AFAP1: variants seen among roughly 807,000 people sequenced by gnomAD.
The protein encoded by AFAP1 is actin filament-associated protein 1.
AFAP1 carries 75 observed loss-of-function variants against 93.9 expected under a neutral mutation model. The observed-to-expected ratio is 0.80, with a 90% confidence interval of 0.66 to 0.97. The LOEUF (loss-of-function observed/expected upper bound fraction) is 0.97. Ranked by LOEUF, AFAP1 falls within the 50% of genes least tolerant of loss-of-function variation. The pLI is 0.00. For missense variants in AFAP1, 1,201 were observed against 1,050.8 expected (o/e 1.14, Z -1.98); for synonymous variants, 517 against 430.7 (o/e 1.20, Z -2.48).
intron 6 of AFAP1, among the ~76,000 whole-genome samples, chr4:7,837,189 CTA>C (rs1291084160): frequency 6.6e-6 from 1 of 152,184 alleles, no homozygotes; most frequent in Non-Finnish European, 1.5e-5. Context: ...AAAATGAACT[CTA>C]AAACAAAAAC....
At chr4:7,872,274 C>T in intron 1 of AFAP1, 194 bp from the exon 2 acceptor site, 1 of 593,100 alleles carries the variant, frequency 1.7e-6, no homozygotes, top group Non-Finnish European at 2.7e-6. Flanking sequence ...ATGCACTACT[C>T]CTTTGCTTCT....
intron 8 of AFAP1, among the ~76,000 whole-genome samples, chr4:7,811,585 G>A (rs11932120): frequency 0.17 from 25,555 of 151,944 alleles, 2,743 homozygotes; most frequent in African/African-American, 0.3. Context: ...CTCCTGCCTC[G>A]GGCCTTGCCC....
chr4:7,933,857 T>G (rs1053460363), intron 1 of AFAP1, among the ~76,000 whole-genome samples: 1 of 152,232 alleles, frequency 6.6e-6, no homozygotes, highest in South Asian at 2.1e-4. Context: ...TGGTGATTTT[T>G]GCCCAGTGAC....
intron 2 of AFAP1, among the ~76,000 whole-genome samples, chr4:7,871,707 G>A (rs1717064230): frequency 6.6e-6 from 1 of 152,156 alleles, no homozygotes; most frequent in Admixed American, 6.5e-5. Flanking sequence ...ATCTCCAAAC[G>A]CTGGGGTTGC....
intron 11 of AFAP1, among the ~76,000 whole-genome samples, chr4:7,789,816 A>G (rs762684843): frequency 1.3e-5 from 2 of 151,970 alleles, no homozygotes; most frequent in Non-Finnish European, 2.9e-5. Flanking sequence ...TCATCCTCCC[A>G]ACTGCTTCCT....
chr4:7,808,563 G>A (rs1439252428), intron 9 of AFAP1, among the ~76,000 whole-genome samples: 1 of 152,036 alleles, frequency 6.6e-6, no homozygotes, highest in Non-Finnish European at 1.5e-5. Context: ...GACTGACCGG[G>A]GAGATGGTCT....
chr4:7,872,168 T>C (rs1577323412), intron 1 of AFAP1, 88 bp from the exon 2 acceptor site: 7 of 1,513,478 alleles, frequency 4.6e-6, no homozygotes, highest in Admixed American at 1.9e-5. Flanking sequence ...AAGCATTTCA[T>C]GTTTAGCTTG....
intron 17 of AFAP1, among the ~76,000 whole-genome samples, chr4:7,768,219 C>T (rs1714898914): frequency 6.6e-6 from 1 of 152,284 alleles, no homozygotes; most frequent in Non-Finnish European, 1.5e-5. Context: ...CACTTCCACA[C>T]ACAGCACTTT....
rs141585055 is a variant in AFAP1, at chr4:7,902,023, T to C, written c.-2-29943A>G. ...TATATAATTTTTTAAACACCCATAT[T>C]TGAAACACAATAGAGAAGACAACTT... On this transcript the variant is annotated intron_variant, in intron 1 of 17. Transcript: ENST00000420658. Among the ~76,000 whole-genome samples the C allele has an allele frequency of 6.8e-3, 1,041 of 152,320 alleles. 12 individuals are homozygous for C. Among genetic ancestry groups the C allele is most frequent in the Middle Eastern group, 0.02 (6 of 294 alleles).
chr4:7,931,546 A>ATTTTTTTT (rs376570405), intron 1 of AFAP1, among the ~76,000 whole-genome samples: 1 of 138,110 alleles, frequency 7.2e-6, no homozygotes, highest in Non-Finnish European at 1.6e-5. Flanking sequence ...CACGCCCAGC[A>ATTTTTTTT]TTTTTTTTTT....
intron 6 of AFAP1, among the ~76,000 whole-genome samples, chr4:7,822,224 T>C (rs1446918194): frequency 6.6e-6 from 1 of 152,296 alleles, no homozygotes; most frequent in African/African-American, 2.4e-5. Flanking sequence ...AAACCCCAGG[T>C]GGACCACTTG....
chr4:7,930,595 A>G (rs1036221795), intron 1 of AFAP1, among the ~76,000 whole-genome samples: 1 of 152,198 alleles, frequency 6.6e-6, no homozygotes, highest in African/African-American at 2.4e-5. Context: ...AGAGATTCCA[A>G]AAGTCTTAGA....
chr4:7,795,097 G>A (rs1718270895), intron 10 of AFAP1, among the ~76,000 whole-genome samples: 1 of 152,128 alleles, frequency 6.6e-6, no homozygotes. Context: ...CATAATATAA[G>A]TAATTGTAAA....
Position 7,773,173 on chromosome 4 carries a change from G to T in AFAP1, c.2063-163C>A. ...ACTTAAATTCAGCAGTTCTCTAAGG[G>T]ATCAGAGTCCTTCTCCTACCATTTC... On this transcript the variant is annotated intron_variant, in intron 15 of 17. Coordinates refer to ENST00000420658, the MANE Select transcript of AFAP1 (RefSeq NM_001134647.2). The T allele has an allele frequency of 3.6e-6, 4 of 1,102,784 alleles. No individual in the cohort carries two copies. In the East Asian group the frequency reaches 1.0e-4, roughly 29 times the overall value. The allele number at this position is 1,102,784 out of a possible 1,614,324, so 68.3% of individuals were successfully genotyped here.
rs543269664 is a variant in AFAP1 at position 7,850,190 on chromosome 4, A to C, written c.334+5276T>G. The stretch of plus-strand genomic sequence containing the variant: ...ATTTGAGACTCAGTGTCTTTAAGAT[A>C]ATCTTGTCTCTCTGAGAGTTACTAT... On this transcript the variant is annotated intron_variant, in intron 4 of 17. Coordinates refer to ENST00000420658, the MANE Select transcript of AFAP1 (RefSeq NM_001134647.2). Among the ~76,000 whole-genome samples the C allele has an allele frequency of 3.4e-3, 525 of 152,328 alleles. 5 individuals are homozygous for C. The highest frequency in any genetic ancestry group is 0.034 in the Middle Eastern group (10 of 294).
rs77263778 is a variant in AFAP1 at position 7,814,541 on chromosome 4, G to A, written c.904+1477C>T. Among the ~76,000 whole-genome samples the A allele has an allele frequency of 9.5e-3, 1,449 of 152,288 alleles. 11 individuals are homozygous for A. The highest frequency in any genetic ancestry group is 0.012 in the Non-Finnish European group (799 of 68,028). On this transcript the variant is annotated intron_variant, in intron 8 of 17. Transcript: ENST00000420658. ...CTCAAATGTTCTTCAAGAGGTGAAT[G>A]GGCTGACTACGGTCCATCCACACAG...
chr4:7,906,220 C>T (rs901290413), intron 1 of AFAP1, among the ~76,000 whole-genome samples: 1 of 152,198 alleles, frequency 6.6e-6, no homozygotes, highest in Admixed American at 6.5e-5. Context: ...GCGACTCATT[C>T]ACCCTATGAC....
At chr4:7,793,162 A>T (rs570356709) in intron 11 of AFAP1, among the ~76,000 whole-genome samples, 28 of 118,894 alleles carry the variant, frequency 2.4e-4, no homozygotes, top group Admixed American at 9.0e-4. Flanking sequence ...TGACTGCAGC[A>T]TTTTTTTTTT....
intron 10 of AFAP1, among the ~76,000 whole-genome samples, chr4:7,797,426 G>A (rs1030847266): frequency 2.0e-5 from 3 of 152,176 alleles, no homozygotes; most frequent in Non-Finnish European, 4.4e-5. Flanking sequence ...ACACACAGAC[G>A]CTGTGGGCCT....
Sources: allele counts gnomAD v4.1 joint callset (sites outside exome capture counted in the v4.1 genomes callset), GRCh38; gene constraint gnomAD v4.1.1; transcripts MANE v1.5; gene names NCBI Gene and HGNC (gene_info 2026-07-23, HGNC 2026-07-21).